The following PCDHAC2 variants were observed in gnomAD, a reference collection of about 807,000 sequenced individuals.
The protein encoded by PCDHAC2 is protocadherin alpha-C2.
Under a neutral mutation model 63.3 loss-of-function variants are expected in PCDHAC2, and 24 were observed. The ratio of observed to expected loss-of-function variants is 0.38; its 90% CI spans 0.27 to 0.53. The LOEUF (loss-of-function observed/expected upper bound fraction) is 0.53. Ranked by LOEUF, PCDHAC2 falls within the 20% of genes least tolerant of loss-of-function variation. The pLI, the probability that PCDHAC2 is intolerant of heterozygous loss-of-function variation, is 0.81. For missense variants in PCDHAC2, 1,181 were observed against 1,275.2 expected, an observed-to-expected ratio of 0.93 and a Z score of 1.12; for synonymous variants, 569 against 529.4, an observed-to-expected ratio of 1.07 and a Z score of -1.03.
chr5:140,989,788 G>A (rs2097360346), intron 3 of PCDHAC2, among the ~76,000 whole-genome samples: 2 of 152,158 alleles, frequency 1.3e-5, no homozygotes, highest in Admixed American at 1.3e-4. Context: ...GAGACTAGAG[G>A]CCCCCAGGAA....
chr5:141,008,430 GC>G (rs1252417058), intron 3 of PCDHAC2, among the ~76,000 whole-genome samples: 2 of 152,260 alleles, frequency 1.3e-5, no homozygotes, highest in African/African-American at 4.8e-5. Context: ...GGATCACTTT[GC>G]CCAGACAGAC....
At chr5:140,978,851 C>T (rs2096826375) in intron 1 of PCDHAC2, 98 bp from the exon 2 acceptor site, 2 of 1,578,528 alleles carry the variant, frequency 1.3e-6, no homozygotes, top group South Asian at 2.3e-5. Flanking sequence ...TTTTTAGATG[C>T]CTGGAAATAT....
At position 140,967,239 on chromosome 5, in the gene PCDHAC2, G is replaced by C; in HGVS notation, c.473G>C (p.Ser158Thr). Residue 158 changes from serine to threonine, a missense_variant, in exon 1 of 4, where the codon AGC becomes ACC. Around this residue, in one of 3 missense-constraint regions of PCDHAC2, gnomAD observed 968 missense variants for 1,073.5 expected, o/e 0.90. Coordinates refer to ENST00000289269, the MANE Select transcript of PCDHAC2 (RefSeq NM_018899.6). Reference sequence around the variant, plus strand: ...CGGCCCAACTACCAGCTTCAGGTAAGCGAATCGGTGGCGCCTGGAGCGCGC... The same window carrying C: ...CGGCCCAACTACCAGCTTCAGGTAACCGAATCGGTGGCGCCTGGAGCGCGC... ...FPRPNYQLQVSESVAPGARFH... is the reference protein window; with the variant it reads ...FPRPNYQLQVTESVAPGARFH... 6.2e-7 allele frequency: 1 copy of C among 1,613,672 alleles called. No homozygotes were observed. Among genetic ancestry groups the C allele is most frequent in the Non-Finnish European group, 8.5e-7 (1 of 1,179,910 alleles).
chr5:140,999,877 G>A (rs1194481133), intron 3 of PCDHAC2, among the ~76,000 whole-genome samples: 1 of 152,152 alleles, frequency 6.6e-6, no homozygotes, highest in Admixed American at 6.5e-5. Flanking sequence ...CTGAAAATTA[G>A]CCCAGCTGTA....
At chr5:141,009,345 G>C (rs1409011729) in intron 3 of PCDHAC2, among the ~76,000 whole-genome samples, 1 of 152,164 alleles carries the variant, frequency 6.6e-6, no homozygotes, top group African/African-American at 2.4e-5. Context: ...TGTAGTTCCA[G>C]CTACTTGGGA....
At chr5:140,997,816 T>C (rs1363819907) in intron 3 of PCDHAC2, among the ~76,000 whole-genome samples, 1 of 152,232 alleles carries the variant, frequency 6.6e-6, no homozygotes, top group African/African-American at 2.4e-5. Flanking sequence ...TGTTGGTATC[T>C]ATGTTTTCTA....
chr5:140,994,528 C>T (rs1331400819), intron 3 of PCDHAC2, among the ~76,000 whole-genome samples: 1 of 137,784 alleles, frequency 7.3e-6, no homozygotes, highest in Non-Finnish European at 1.5e-5. Flanking sequence ...CATGGCAAAA[C>T]CCCATCTCTA....
chr5:140,992,017 C>CTGTGTG (rs10602499), intron 3 of PCDHAC2, among the ~76,000 whole-genome samples: 2,290 of 145,594 alleles, frequency 0.016, 56 homozygotes, highest in African/African-American at 0.05. Flanking sequence ...AGAGGTGGCT[C>CTGTGTG]TGTGTGTGTG....
intron 3 of PCDHAC2, among the ~76,000 whole-genome samples, chr5:140,994,539 CA>C (rs35651294): frequency 0.48 from 72,467 of 151,372 alleles, 18,531 homozygotes; most frequent in African/African-American, 0.67. Flanking sequence ...CCCATCTCTA[CA>C]AAAAAAATAT....
At chr5:140,971,586 C>G (rs1290834481) in intron 1 of PCDHAC2, among the ~76,000 whole-genome samples, 1 of 152,022 alleles carries the variant, frequency 6.6e-6, no homozygotes, top group Non-Finnish European at 1.5e-5. Context: ...TTTTTCCTAC[C>G]TAGTTACTAC....
At chr5:140,974,828 A>T (rs2096642920) in intron 1 of PCDHAC2, among the ~76,000 whole-genome samples, 1 of 152,188 alleles carries the variant, frequency 6.6e-6, no homozygotes, top group Non-Finnish European at 1.5e-5. Flanking sequence ...CAACATAATG[A>T]TTATTTTAAA....
intron 1 of PCDHAC2, among the ~76,000 whole-genome samples, chr5:140,972,152 A>T (rs1481801555): frequency 6.6e-6 from 1 of 151,770 alleles, no homozygotes; most frequent in African/African-American, 2.4e-5. Context: ...TTTTATTTTT[A>T]TTTTTTTGAG....
chr5:140,998,664 A>C (rs1204598567), intron 3 of PCDHAC2, among the ~76,000 whole-genome samples: 1 of 151,936 alleles, frequency 6.6e-6, no homozygotes, highest in Non-Finnish European at 1.5e-5. Flanking sequence ...TCCTGGGTTC[A>C]AGTGATTCTC....
chr5:140,999,528 T>A (rs1414595805), intron 3 of PCDHAC2, among the ~76,000 whole-genome samples: 1 of 152,080 alleles, frequency 6.6e-6, no homozygotes, highest in Non-Finnish European at 1.5e-5. Context: ...TGTTACCCCC[T>A]GGATATGACA....
chr5:140,982,689 T>A, intron 3 of PCDHAC2, 126 bp downstream of exon 3: 1 of 1,413,688 alleles, frequency 7.1e-7, no homozygotes, highest in Non-Finnish European at 9.3e-7. Context: ...CTTTTTTCCA[T>A]ACATACATGA....
intron 3 of PCDHAC2, among the ~76,000 whole-genome samples, chr5:140,988,142 A>G (rs1017336547): frequency 5.3e-5 from 8 of 152,056 alleles, no homozygotes; most frequent in African/African-American, 1.4e-4. Context: ...AACCTGTTCA[A>G]CCTCAACTTC....
Position 141,010,149 on chromosome 5 carries a change from C to T in PCDHAC2, c.*212C>T. 6.3e-7 allele frequency: 1 copy of T among 1,580,088 alleles called. No individual in the cohort carries two copies. Among genetic ancestry groups the T allele is most frequent in the Non-Finnish European group, 8.6e-7 (1 of 1,161,942 alleles). On this transcript the variant is annotated 3_prime_UTR_variant, in exon 4 of 4. Transcript: ENST00000289269. ...GTCTGGTGTTAACTCTTTCTCTCCA[C>T]TCTGGCTTGTTTTCAGAACCTAAAA...
Position 140,999,523 on chromosome 5 carries a change from C to A in PCDHAC2, c.2714-10104C>A, listed in dbSNP as rs115576128. On this transcript the variant is annotated intron_variant, in intron 3 of 3. Coordinates refer to ENST00000289269, the MANE Select transcript of PCDHAC2 (RefSeq NM_018899.6). ...AACCTACATTTTAAGCATTTTGTTA[C>A]CCCCTGGATATGACAGCCAATGAAG... is the stretch of plus-strand genomic sequence containing the variant. Among the ~76,000 whole-genome samples, 464 of 152,142 alleles carry A rather than the reference C, an allele frequency of 3.0e-3. 6 individuals carry two copies. Among genetic ancestry groups the A allele is most frequent in the Middle Eastern group, 0.01 (3 of 294 alleles).
intron 3 of PCDHAC2, among the ~76,000 whole-genome samples, chr5:141,006,294 C>T (rs2098266534): frequency 6.6e-6 from 1 of 152,048 alleles, no homozygotes; most frequent in African/African-American, 2.4e-5. Flanking sequence ...TCACTGCAAG[C>T]TCCACTTCCC....
Sources: gnomAD v4.1 joint callset for allele counts (sites outside exome capture counted in the v4.1 genomes callset) on GRCh38, gnomAD v4.1.1 for gene constraint, gnomAD v4.1.1 regional missense constraint, MANE v1.5 for transcripts, NCBI Gene and HGNC (gene_info 2026-07-23, HGNC 2026-07-21) for gene names.